ITGA8: variants seen among roughly 807,000 people sequenced by gnomAD.
ITGA8 encodes integrin subunit alpha 8, also known as integrin alpha-8.
A neutral mutation model predicts 142.3 loss-of-function variants in ITGA8; 91 were observed. The ratio of observed to expected loss-of-function variants is 0.64; its 90% confidence interval spans 0.54 to 0.76. The LOEUF is 0.76. Ranked by LOEUF, ITGA8 falls within the 30% of genes least tolerant of loss-of-function variation. The pLI is 0.00. For synonymous variants in ITGA8, 505 were observed against 485.2 expected (o/e 1.04, Z -0.54); for missense variants, 1,406 against 1,327.7 (o/e 1.06, Z -0.92).
At chr10:15,539,830 C>G (rs1014048120) in intron 27 of ITGA8, among the ~76,000 whole-genome samples, 1 of 152,086 alleles carries the variant, frequency 6.6e-6, no homozygotes, top group African/African-American at 2.4e-5. Flanking sequence ...TGTCCCCACC[C>G]AAATCTCACC....
At chr10:15,611,310 TC>T (rs1833289424) in intron 15 of ITGA8, among the ~76,000 whole-genome samples, 1 of 152,144 alleles carries the variant, frequency 6.6e-6, no homozygotes, top group Non-Finnish European at 1.5e-5. Context: ...AAATAAGACT[TC>T]TTCCAGAAAA....
chr10:15,612,425 C>T (rs921071024), intron 15 of ITGA8, among the ~76,000 whole-genome samples: 3 of 152,206 alleles, frequency 2.0e-5, no homozygotes, highest in African/African-American at 4.8e-5. Flanking sequence ...AGTTAGACCA[C>T]GTCTCCTGAA....
intron 22 of ITGA8, among the ~76,000 whole-genome samples, chr10:15,590,595 G>A (rs974948957): frequency 6.6e-6 from 1 of 152,168 alleles, no homozygotes; most frequent in Non-Finnish European, 1.5e-5. Context: ...GTTACTGTCT[G>A]GAGGGATGGT....
chr10:15,527,832 T>A lies in ITGA8; in HGVS notation c.2982+3218A>T, dbSNP rs190487613. Among the ~76,000 whole-genome samples the A allele has an allele frequency of 3.0e-3, 461 of 151,316 alleles. 3 individuals carry two copies. Among genetic ancestry groups the A allele is most frequent in the African/African-American group, 0.011 (448 of 41,146 alleles). ...AGAATGACTTTCCTCAGGGGCAGATTAGAGCTCTGATGCTTCTCCAACTAC... is the reference window on the plus strand; with the variant it reads ...AGAATGACTTTCCTCAGGGGCAGATAAGAGCTCTGATGCTTCTCCAACTAC... On this transcript the variant is annotated intron_variant, in intron 28 of 29. Coordinates refer to ENST00000378076, the MANE Select transcript of ITGA8 (RefSeq NM_003638.3).
chr10:15,597,902 G>A lies in ITGA8; in HGVS notation c.2119-603C>T, dbSNP rs547623126. On this transcript the variant is annotated intron_variant, in intron 20 of 29. Coordinates refer to ENST00000378076, the MANE Select transcript of ITGA8 (RefSeq NM_003638.3). ...ATTCCAAGTAGAGTTCATACAAACT[G>A]AAGTTAGAAGAGGTTCTTGAAGCTA... is the stretch of plus-strand genomic sequence containing the variant. 3.3e-5 allele frequency among the ~76,000 whole-genome samples: 5 copies of A among 152,258 alleles called. No homozygotes were observed. In the South Asian group the frequency reaches 1.0e-3, roughly 32 times the overall value.
Position 15,647,807 on chromosome 10 carries a change from C to T in ITGA8, c.1002-756G>A, listed in dbSNP as rs1002643495. Among the ~76,000 whole-genome samples, 6 of 152,166 alleles carry T rather than the reference C, an allele frequency of 3.9e-5. No homozygotes were observed. The East Asian group carries it at 7.7e-4, about 20-fold the overall frequency. On this transcript the variant is annotated intron_variant, in intron 11 of 29. Transcript: ENST00000378076. Reference sequence around the variant, plus strand: ...AGTAATGTTTAAAATCAATTTTGTCCTTCCCTTTCCTTTTGTTAGCTCAAT... The same window carrying T: ...AGTAATGTTTAAAATCAATTTTGTCTTTCCCTTTCCTTTTGTTAGCTCAAT...
rs375959115 is a variant in ITGA8, at chr10:15,684,582, C to T, written c.445-455G>A. 3.3e-5 allele frequency among the ~76,000 whole-genome samples: 5 copies of T among 152,048 alleles called. No homozygotes were observed. The South Asian group carries it at 8.3e-4, about 25-fold the overall frequency. On this transcript the variant is annotated intron_variant, in intron 3 of 29. Coordinates refer to ENST00000378076, the MANE Select transcript of ITGA8 (RefSeq NM_003638.3). Reference sequence around the variant, plus strand: ...GAGACAGAATCTTATTATGTTGCTCCAACTGGTCTCAATCTCCTGGGCTTA... The same window carrying T: ...GAGACAGAATCTTATTATGTTGCTCTAACTGGTCTCAATCTCCTGGGCTTA...
At chr10:15,601,476 A>G (rs1833103103) in intron 20 of ITGA8, among the ~76,000 whole-genome samples, 1 of 152,124 alleles carries the variant, frequency 6.6e-6, no homozygotes, top group Non-Finnish European at 1.5e-5. Flanking sequence ...GAATGATGTA[A>G]AAGGTCTGGA....
At chr10:15,605,894 C>T in intron 18 of ITGA8, 103 bp from the exon 19 acceptor site, 2 of 993,286 alleles carry the variant, frequency 2.0e-6, no homozygotes, top group Non-Finnish European at 1.6e-6. Flanking sequence ...CAGAGCTTTC[C>T]TCTCACTATG....
chr10:15,611,995 C>T (rs1249925250), intron 15 of ITGA8, among the ~76,000 whole-genome samples: 1 of 152,144 alleles, frequency 6.6e-6, no homozygotes, highest in African/African-American at 2.4e-5. Flanking sequence ...GGGGGAAATA[C>T]TGAAGTTTTA....
chr10:15,708,770 A>G (rs1452279640), intron 2 of ITGA8, among the ~76,000 whole-genome samples: 2 of 152,178 alleles, frequency 1.3e-5, no homozygotes, highest in Non-Finnish European at 2.9e-5. Context: ...ATGTTAAATA[A>G]TAAATGTCAA....
At chr10:15,673,488 C>T (rs1564403074) in intron 6 of ITGA8, among the ~76,000 whole-genome samples, 1 of 152,192 alleles carries the variant, frequency 6.6e-6, no homozygotes, top group Non-Finnish European at 1.5e-5. Context: ...CAAAGAGCTA[C>T]AGTGCATTCT....
intron 8 of ITGA8, among the ~76,000 whole-genome samples, chr10:15,662,889 G>C (rs1834316121): frequency 6.6e-6 from 1 of 152,138 alleles, no homozygotes; most frequent in African/African-American, 2.4e-5. Context: ...ACTTTCTTGG[G>C]TTTTAGCTCA....
intron 2 of ITGA8, among the ~76,000 whole-genome samples, chr10:15,698,928 T>C (rs1234605572): frequency 6.6e-6 from 1 of 152,212 alleles, no homozygotes; most frequent in Non-Finnish European, 1.5e-5. Context: ...AAGTCCCAGA[T>C]ATCTATCTTT....
chr10:15,570,509 C>G (rs1449789044), intron 25 of ITGA8, among the ~76,000 whole-genome samples: 1 of 148,592 alleles, frequency 6.7e-6, no homozygotes. Context: ...ACTTGGGAGG[C>G]TGAGGCAGGA....
chr10:15,527,190 T>C (rs1833191580), intron 28 of ITGA8, among the ~76,000 whole-genome samples: 1 of 152,170 alleles, frequency 6.6e-6, no homozygotes, highest in African/African-American at 2.4e-5. Context: ...TTAAACAGTT[T>C]CCTTATGAGA....
rs377182614 is a variant in ITGA8 at position 15,658,982 on chromosome 10, T to C, written c.948+17A>G. The C allele has an allele frequency of 7.7e-5, 115 of 1,487,456 alleles. No individual in the cohort carries two copies. In the African/African-American group the frequency reaches 1.5e-3, roughly 20 times the overall value. The allele number at this position is 1,487,456 out of a possible 1,614,324, so 92.1% of individuals were successfully genotyped here. A position where few individuals can be genotyped will look rare whatever the true frequency, so the allele number is the denominator to read the frequency against. On this transcript the variant is annotated intron_variant, in intron 10 of 29. Coordinates refer to ENST00000378076, the MANE Select transcript of ITGA8 (RefSeq NM_003638.3). ...ACCCAGAGTGATTTTATTTATTTGA[T>C]ATTAAAATGTCTCTACCTGTTCTCC...
chr10:15,559,413 A>G (rs999624354), intron 25 of ITGA8, among the ~76,000 whole-genome samples: 2 of 152,210 alleles, frequency 1.3e-5, no homozygotes, highest in African/African-American at 2.4e-5. Context: ...TTGCCAGATG[A>G]GAAAATGGAA....
Position 15,586,682 on chromosome 10 carries a change from G to T in ITGA8, c.2292-18C>A. ...TGTTGGAACTAAAACACAAGGACAT[G>T]TGATTTAAATCTATCTGCTCAGGAG... On this transcript the variant is annotated intron_variant, in intron 22 of 29. Transcript: ENST00000378076. The T allele has an allele frequency of 3.4e-6, 5 of 1,485,390 alleles. No individual in the cohort carries two copies. The highest frequency in any genetic ancestry group is 4.7e-6 in the Non-Finnish European group (5 of 1,062,900). The allele number at this position is 1,485,390 out of a possible 1,614,324, so 92.0% of individuals were successfully genotyped here.
Sources: gnomAD v4.1 joint callset for allele counts (sites outside exome capture counted in the v4.1 genomes callset) on GRCh38, gnomAD v4.1.1 for gene constraint, MANE v1.5 for transcripts, NCBI Gene and HGNC (gene_info 2026-07-23, HGNC 2026-07-21) for gene names.